Variants in PPP1R36 observed in about 807,000 individuals in gnomAD.
The protein encoded by PPP1R36 is protein phosphatase 1 regulatory subunit 36, also known as chromosome 14 open reading frame 50.
PPP1R36 carries 47 observed loss-of-function variants against 53.4 expected under a neutral mutation model. That is an observed-to-expected ratio of 0.88 (90% CI 0.70 to 1.12). The LOEUF (loss-of-function observed/expected upper bound fraction) is 1.12. Ranked by LOEUF, PPP1R36 falls within the 50% of genes most tolerant of loss-of-function variation. The probability of loss-of-function intolerance (pLI) is 0.00; values close to 1 mark genes in which losing one functional copy is unlikely to be tolerated. For synonymous variants in PPP1R36, 153 were observed against 170.5 expected, an observed-to-expected ratio of 0.90 and a Z score of 0.80; for missense variants, 456 against 513.9, an observed-to-expected ratio of 0.89 and a Z score of 1.09.
At chr14:64,567,086 C>T (rs1465690797) in intron 6 of PPP1R36, among the ~76,000 whole-genome samples, 1 of 152,188 alleles carries the variant, frequency 6.6e-6, no homozygotes, top group Non-Finnish European at 1.5e-5. Context: ...CTGGGGGAAC[C>T]CAGCCTGAGA....
At position 64,550,080 on chromosome 14, in the gene PPP1R36, T is replaced by C. The variant is rs1214074780; in HGVS notation, c.69+14T>C. 1.9e-6 allele frequency: 3 copies of C among 1,553,680 alleles called. No homozygotes were observed. In the East Asian group the frequency reaches 7.3e-5, roughly 38 times the overall value. On this transcript the variant is annotated intron_variant, in intron 1 of 11. Transcript: ENST00000298705. The stretch of plus-strand genomic sequence containing the variant: ...TACTTGATGGATGTAAGTGCAGCCT[T>C]GGTCGCCCCCATACCCGGGCTGGGC...
rs766612467 is a variant in PPP1R36 at position 64,564,769 on chromosome 14, AGT to A, written c.202_203del (p.Val68GlnfsTer16). 6.2e-7 allele frequency: 1 copy of A among 1,611,082 alleles called. No homozygotes were observed. The highest frequency in any genetic ancestry group is 1.3e-5 in the African/African-American group (1 of 74,804). ...HHPHFTPAAE[V>X]KEKGKKGKAV... Reference sequence around the variant, plus strand: ...ATTGCAGTTTTACACCTGCAGCAGAAGTCAAGGAAAAAGGAAAGAAAGGCAAA... The same window carrying A: ...ATTGCAGTTTTACACCTGCAGCAGAACAAGGAAAAAGGAAAGAAAGGCAAA... On this transcript the variant is annotated frameshift_variant, in exon 4 of 12. Transcript: ENST00000298705. LOFTEE classifies it high-confidence loss of function.
rs577056958 is a variant in PPP1R36 at position 64,589,315 on chromosome 14, T to C, written c.1246T>C (p.Ser416Pro). Residue 416 changes from serine to proline, a missense_variant, in exon 12 of 12, where the codon TCT becomes CCT. Coordinates refer to ENST00000298705, the MANE Select transcript of PPP1R36 (RefSeq NM_172365.3). ...TLDLVMKTLS[S>P]HTSCPK ...GGACTTGGTCATGAAAACACTGTCC[T>C]CTCATACATCATGCCCTAAGTAACC... 1.5e-4 allele frequency: 235 copies of C among 1,613,152 alleles called. No homozygotes were observed. The South Asian group carries it at 1.6e-3, about 11-fold the overall frequency.
intron 7 of PPP1R36, among the ~76,000 whole-genome samples, chr14:64,571,261 C>T (rs909952340): frequency 3.3e-5 from 5 of 151,910 alleles, no homozygotes; most frequent in Middle Eastern, 3.2e-3. Flanking sequence ...GAGTAGCTGA[C>T]ACTACAGGCA....
rs573650727 is a variant in PPP1R36 at position 64,574,033 on chromosome 14, A to AC, written c.534-421dup. Among the ~76,000 whole-genome samples the AC allele has an allele frequency of 2.0e-4, 30 of 152,140 alleles. No individual in the cohort carries two copies. The East Asian group carries it at 5.8e-3, about 29-fold the overall frequency. ...ATTTTCCTATACCATTGCTTAAATAACATAAACTCATTGGTAAGTGAAGTC... is the reference window on the plus strand; with the variant it reads ...ATTTTCCTATACCATTGCTTAAATAACCATAAACTCATTGGTAAGTGAAGTC... On this transcript the variant is annotated intron_variant, in intron 7 of 11. Transcript: ENST00000298705.
intron 3 of PPP1R36, among the ~76,000 whole-genome samples, chr14:64,556,729 CTG>C (rs564578259): frequency 0.035 from 4,805 of 139,190 alleles, 99 homozygotes; most frequent in Middle Eastern, 0.064. Flanking sequence ...GTGCTCTAGC[CTG>C]GGTGGTAGAG....
At position 64,567,078 on chromosome 14, in the gene PPP1R36, G is replaced by T. The variant is rs542927315; in HGVS notation, c.435-1271G>T. Among the ~76,000 whole-genome samples the T allele has an allele frequency of 1.6e-3, 247 of 152,342 alleles. 1 individual carries two copies. Among genetic ancestry groups the T allele is most frequent in the Non-Finnish European group, 3.1e-3 (212 of 68,038 alleles). On this transcript the variant is annotated intron_variant, in intron 6 of 11. Transcript: ENST00000298705. Reference sequence around the variant, plus strand: ...AGTATTTGGCCCAGTGTCTGTTGCTGGGGGAACCCAGCCTGAGACAGGGAG... The same window carrying T: ...AGTATTTGGCCCAGTGTCTGTTGCTTGGGGAACCCAGCCTGAGACAGGGAG...
At chr14:64,553,027 A>G in intron 3 of PPP1R36, 166 bp downstream of exon 3, 1 of 553,724 alleles carries the variant, frequency 1.8e-6, no homozygotes, top group Non-Finnish European at 3.3e-6. Flanking sequence ...GCTGGTGGAC[A>G]GTGGCATGAT....
chr14:64,588,471 G>T, intron 11 of PPP1R36, 176 bp downstream of exon 11: 1 of 534,906 alleles, frequency 1.9e-6, no homozygotes, highest in Non-Finnish European at 3.2e-6. Context: ...GAATCTTGAG[G>T]TACACCCATC....
chr14:64,550,128 C>T, intron 1 of PPP1R36, 62 bp downstream of exon 1: 1 of 1,529,426 alleles, frequency 6.5e-7, no homozygotes, highest in East Asian at 2.5e-5. Flanking sequence ...CTGCTGCCCC[C>T]AACCGGCGCC....
At chr14:64,551,133 C>A in intron 2 of PPP1R36, 148 bp downstream of exon 2, 1 of 607,982 alleles carries the variant, frequency 1.6e-6, no homozygotes, top group South Asian at 2.1e-5. Context: ...CAGCCTTTCT[C>A]TGAACGCTTA....
chr14:64,577,576 C>T (rs2080352978), intron 8 of PPP1R36, among the ~76,000 whole-genome samples: 1 of 152,066 alleles, frequency 6.6e-6, no homozygotes. Context: ...TTCTCCAGTT[C>T]TCTCCTCATT....
intron 8 of PPP1R36, among the ~76,000 whole-genome samples, chr14:64,580,562 C>T (rs1482277600): frequency 6.6e-6 from 1 of 152,172 alleles, no homozygotes; most frequent in Non-Finnish European, 1.5e-5. Flanking sequence ...TAGCTCATTT[C>T]CAGATGGTGC....
rs544048995 is a variant in PPP1R36, at chr14:64,553,200, C to T, written c.182+339C>T. On this transcript the variant is annotated intron_variant, in intron 3 of 11. Transcript: ENST00000298705. ...GAACTCCTGGGCCCAAGTGATCCACCCTCCTAAGCCTCCCAAAGTGCTGGG... is the reference window on the plus strand; with the variant it reads ...GAACTCCTGGGCCCAAGTGATCCACTCTCCTAAGCCTCCCAAAGTGCTGGG... Among the ~76,000 whole-genome samples the T allele has an allele frequency of 2.0e-5, 3 of 152,218 alleles. No individual in the cohort carries two copies. The East Asian group carries it at 5.8e-4, about 29-fold the overall frequency.
At chr14:64,584,062 C>T (rs1438383775) in intron 8 of PPP1R36, among the ~76,000 whole-genome samples, 6 of 151,726 alleles carry the variant, frequency 4.0e-5, no homozygotes, top group East Asian at 2.0e-4. Context: ...CCACCACGCC[C>T]GGCTAATTTT....
At chr14:64,580,245 G>A (rs1205329384) in intron 8 of PPP1R36, among the ~76,000 whole-genome samples, 1 of 152,170 alleles carries the variant, frequency 6.6e-6, no homozygotes, top group South Asian at 2.1e-4. Context: ...AGGCTGCAAT[G>A]TGTCATGATT....
At chr14:64,554,431 G>A (rs914562614) in intron 3 of PPP1R36, among the ~76,000 whole-genome samples, 10 of 151,442 alleles carry the variant, frequency 6.6e-5, no homozygotes, top group South Asian at 6.2e-4. Flanking sequence ...GATTACAGGC[G>A]TGAGCCACCA....
At position 64,587,334 on chromosome 14, in the gene PPP1R36, A is replaced by G. The variant is rs1251062028; in HGVS notation, c.852A>G (p.Ser284=). 1.2e-6 allele frequency: 2 copies of G among 1,613,766 alleles called. No individual in the cohort carries two copies. Among genetic ancestry groups the G allele is most frequent in the Non-Finnish European group, 1.7e-6 (2 of 1,179,880 alleles). ...IPRRRREDEE[S]GGEKKRMTFV... ...GCAGGAGGCGTGAAGATGAGGAATCAGGAGGGGAAAAGAAACGCATGACTT... is the reference window on the plus strand; with the variant it reads ...GCAGGAGGCGTGAAGATGAGGAATCGGGAGGGGAAAAGAAACGCATGACTT... Residue 284 remains serine (S), a synonymous_variant, in exon 10 of 12, where the codon TCA becomes TCG. Coordinates refer to ENST00000298705, the MANE Select transcript of PPP1R36 (RefSeq NM_172365.3).
intron 3 of PPP1R36, among the ~76,000 whole-genome samples, chr14:64,555,093 T>A (rs1054252053): frequency 2.6e-5 from 4 of 152,250 alleles, no homozygotes; most frequent in African/African-American, 9.6e-5. Context: ...TACTCGCCAG[T>A]GGCGCTTGCA....
Sources: gnomAD v4.1 joint callset for allele counts (sites outside exome capture counted in the v4.1 genomes callset) on GRCh38, gnomAD v4.1.1 for gene constraint, MANE v1.5 for transcripts, NCBI Gene and HGNC (gene_info 2026-07-23, HGNC 2026-07-21) for gene names.